The following LCP2 variants were observed in gnomAD, a reference collection of about 807,000 sequenced individuals.
LCP2 encodes lymphocyte cytosolic protein 2.
Under a neutral mutation model 74.5 loss-of-function variants are expected in LCP2, and 29 were observed. The ratio of observed to expected loss-of-function variants is 0.39; its 90% CI spans 0.29 to 0.53. LCP2 has a LOEUF of 0.53. Among genes scored for constraint, LCP2 ranks in the 20% least tolerant of loss-of-function variants. LCP2 has a pLI of 0.72. For synonymous variants in LCP2, 228 were observed against 229.5 expected, an observed-to-expected ratio of 0.99 and a Z score of 0.06; for missense variants, 604 against 634.6, an observed-to-expected ratio of 0.95 and a Z score of 0.52.
chr5:170,269,272 C>T (rs1761846669), intron 7 of LCP2, among the ~76,000 whole-genome samples: 1 of 152,196 alleles, frequency 6.6e-6, no homozygotes, highest in Non-Finnish European at 1.5e-5. Flanking sequence ...CAATTTCCTA[C>T]CCCTTTGACA....
chr5:170,269,480 A>T (rs1761853690), intron 7 of LCP2, among the ~76,000 whole-genome samples: 2 of 152,330 alleles, frequency 1.3e-5, no homozygotes, highest in South Asian at 4.1e-4. Flanking sequence ...GCCATCTCTC[A>T]GCTTCTCTAA....
intron 17 of LCP2, among the ~76,000 whole-genome samples, chr5:170,254,295 G>C (rs1761510148): frequency 6.6e-6 from 1 of 152,174 alleles, no homozygotes. Flanking sequence ...GCGAGCACCT[G>C]GGGCTCAGAA....
chr5:170,259,518 G>T (rs917471177), intron 14 of LCP2, among the ~76,000 whole-genome samples: 1 of 152,192 alleles, frequency 6.6e-6, no homozygotes, highest in African/African-American at 2.4e-5. Flanking sequence ...GATAAGAAAT[G>T]AGGTTCAAAG....
chr5:170,263,256 C>CT (rs527971708), intron 10 of LCP2, among the ~76,000 whole-genome samples: 24 of 152,218 alleles, frequency 1.6e-4, no homozygotes, highest in Middle Eastern at 3.4e-3. Context: ...GGATTCTGTG[C>CT]TTTTTTTAAA....
chr5:170,281,027 A>ATAC (rs1249915380), intron 3 of LCP2, among the ~76,000 whole-genome samples: 2 of 152,140 alleles, frequency 1.3e-5, no homozygotes, highest in Non-Finnish European at 2.9e-5. Flanking sequence ...AATAATAATA[A>ATAC]TAGGCAAGGC....
At chr5:170,266,959 G>A in intron 9 of LCP2, 50 bp downstream of exon 9, 2 of 1,611,246 alleles carry the variant, frequency 1.2e-6, no homozygotes, top group Non-Finnish European at 1.7e-6. Flanking sequence ...GGCGGGGCTA[G>A]GGGAGTGCCT....
intron 3 of LCP2, among the ~76,000 whole-genome samples, chr5:170,278,878 C>T (rs1008067044): frequency 2.6e-5 from 4 of 152,058 alleles, no homozygotes; most frequent in African/African-American, 7.2e-5. Context: ...TGTGGGCTCC[C>T]AGGGTCCTCC....
At chr5:170,251,668 A>G (rs1351958583) in intron 19 of LCP2, 5 of 455,980 alleles carry the variant, frequency 1.1e-5, no homozygotes, top group African/African-American at 2.0e-5. Context: ...CTGTCAGAAC[A>G]TCTCTGCTAA....
intron 20 of LCP2, 116 bp from the exon 21 acceptor site, chr5:170,248,935 G>T: frequency 1.9e-6 from 2 of 1,048,580 alleles, no homozygotes; most frequent in South Asian, 2.9e-5. Context: ...AGGATTGTGG[G>T]GGGAAAAAAT....
chr5:170,276,340 G>A (rs1762007563), intron 3 of LCP2, among the ~76,000 whole-genome samples: 1 of 152,120 alleles, frequency 6.6e-6, no homozygotes, highest in Admixed American at 6.5e-5. Flanking sequence ...GCTGCTCCTT[G>A]GAGATTTCTT....
At chr5:170,278,046 T>C (rs1762035812) in intron 3 of LCP2, among the ~76,000 whole-genome samples, 1 of 151,224 alleles carries the variant, frequency 6.6e-6, no homozygotes, top group Non-Finnish European at 1.5e-5. Flanking sequence ...AAGAAGACGA[T>C]GGGCATGTGG....
chr5:170,263,442 T>C (rs1234589458), intron 10 of LCP2, among the ~76,000 whole-genome samples: 2 of 152,238 alleles, frequency 1.3e-5, no homozygotes, highest in East Asian at 1.9e-4. Flanking sequence ...TGTGAAACAC[T>C]TGATATTAAA....
chr5:170,295,108 C>G (rs1762351219), intron 1 of LCP2, among the ~76,000 whole-genome samples: 2 of 152,016 alleles, frequency 1.3e-5, no homozygotes. Flanking sequence ...GCTGGGACCC[C>G]ACCTGGGATT....
At chr5:170,266,028 G>A (rs905579185) in intron 10 of LCP2, among the ~76,000 whole-genome samples, 9 of 152,230 alleles carry the variant, frequency 5.9e-5, no homozygotes, top group African/African-American at 1.9e-4. Context: ...TATCATCTGA[G>A]AAGTGAGGTT....
intron 3 of LCP2, among the ~76,000 whole-genome samples, chr5:170,279,136 G>A (rs1762060726): frequency 1.3e-5 from 2 of 152,164 alleles, no homozygotes. Context: ...AGTGATGGGG[G>A]CTGGGCAGCC....
chr5:170,258,863 T>C lies in LCP2; in HGVS notation c.970+3A>G, dbSNP rs1761606720. On this transcript the variant is annotated splice_donor_region_variant and intron_variant, in intron 15 of 20. Transcript: ENST00000046794. ...GGCTGTAAGAATGTGTTTCCGAACA[T>C]ACCATCATCTTCATCCTGGGAAGGG... 1 of 1,584,608 alleles carries C rather than the reference T, an allele frequency of 6.3e-7. No individual in the cohort carries two copies. The highest frequency in any genetic ancestry group is 2.2e-5 in the East Asian group (1 of 44,450).
intron 20 of LCP2, 85 bp downstream of exon 20, chr5:170,250,645 C>G (rs578058528): frequency 1.9e-6 from 2 of 1,066,408 alleles, no homozygotes; most frequent in Non-Finnish European, 2.9e-6. Context: ...CCATACAGCA[C>G]GGACTCTCAA....
chr5:170,286,531 C>G (rs1762185541), intron 3 of LCP2, among the ~76,000 whole-genome samples: 1 of 152,200 alleles, frequency 6.6e-6, no homozygotes, highest in Non-Finnish European at 1.5e-5. Context: ...ATAGTAGTCA[C>G]CAGCTATACG....
chr5:170,261,451 C>T (rs552161414), intron 13 of LCP2, among the ~76,000 whole-genome samples: 4,393 of 115,130 alleles, frequency 0.038, 208 homozygotes, highest in African/African-American at 0.16. Flanking sequence ...TGTACACACA[C>T]ACTATATGTA....
Sources: allele counts gnomAD v4.1 joint callset (sites outside exome capture counted in the v4.1 genomes callset), GRCh38; gene constraint gnomAD v4.1.1; transcripts MANE v1.5; gene names NCBI Gene and HGNC (gene_info 2026-07-23, HGNC 2026-07-21).